Variants in TET1 observed in about 807,000 individuals in gnomAD.
The protein encoded by TET1 is methylcytosine dioxygenase TET1.
TET1 carries 13 observed loss-of-function variants against 148.7 expected under a neutral mutation model. The ratio of observed to expected loss-of-function variants is 0.09; its 90% CI spans 0.06 to 0.14. The LOEUF is 0.14. Ranked by LOEUF, TET1 falls within the 10% of genes least tolerant of loss-of-function variation. The probability of loss-of-function intolerance (pLI) is 1.00; values close to 1 mark genes in which losing one functional copy is unlikely to be tolerated. For synonymous variants in TET1, 907 were observed against 937.2 expected (o/e 0.97, Z 0.59); for missense variants, 2,182 against 2,553.8 (o/e 0.85, Z 3.14).
At chr10:68,661,225 G>GTTTTTTTTT (rs1564498225) in intron 6 of TET1, among the ~76,000 whole-genome samples, 22 of 94,860 alleles carry the variant, frequency 2.3e-4, no homozygotes, top group African/African-American at 6.5e-4. Context: ...TTTTTTTGTA[G>GTTTTTTTTT]TTTTAGTAGA....
intron 4 of TET1, among the ~76,000 whole-genome samples, chr10:68,649,605 CAA>C (rs557761071): frequency 3.4e-4 from 27 of 80,204 alleles, no homozygotes; most frequent in Admixed American, 3.9e-4. Context: ...GACTCTGTCT[CAA>C]AAAAAAAAAA....
At chr10:68,613,228 T>A (rs1169125778) in intron 3 of TET1, among the ~76,000 whole-genome samples, 1 of 152,230 alleles carries the variant, frequency 6.6e-6, no homozygotes, top group African/African-American at 2.4e-5. Context: ...TTTGGTTAAC[T>A]TTTCTCTGAC....
intron 4 of TET1, among the ~76,000 whole-genome samples, chr10:68,649,623 A>G (rs2054902597): frequency 1.3e-5 from 2 of 151,116 alleles, no homozygotes; most frequent in East Asian, 1.9e-4. Context: ...AAAAAAAAAA[A>G]GGGAGAGAAC....
intron 2 of TET1, among the ~76,000 whole-genome samples, chr10:68,593,676 G>A (rs185752466): frequency 3.9e-5 from 6 of 151,906 alleles, no homozygotes; most frequent in African/African-American, 7.3e-5. Context: ...CAAATGGTGC[G>A]ATCTCGGCTC....
chr10:68,645,805 A>G lies in TET1; in HGVS notation c.3076A>G (p.Ile1026Val). The G allele has an allele frequency of 9.3e-6, 15 of 1,614,148 alleles. No individual in the cohort carries two copies. The highest frequency in any genetic ancestry group is 1.3e-5 in the Non-Finnish European group (15 of 1,179,986). The change falls in exon 4 of 12, where the codon ATT becomes GTT. Residue 1026 changes from isoleucine to valine, a missense_variant. Around this residue, in one of 11 missense-constraint regions of TET1, gnomAD observed 582 missense variants for 599.5 expected, o/e 0.97. Coordinates refer to ENST00000373644, the MANE Select transcript of TET1 (RefSeq NM_030625.3). ...DTNKSIAQGI[I>V]TLDNCSNDLH... ...CAATAAAAGTATTGCTCAAGGGATA[A>G]TTACTCTTGACAATTGTTCCAATGA...
At chr10:68,676,157 T>TGG (rs1554811919) in intron 8 of TET1, among the ~76,000 whole-genome samples, 3 of 129,222 alleles carry the variant, frequency 2.3e-5, no homozygotes, top group South Asian at 5.1e-4. Flanking sequence ...ACCTGGCCTT[T>TGG]TGTGTGTGTG....
chr10:68,624,763 GCT>G (rs1205254885), intron 3 of TET1, among the ~76,000 whole-genome samples: 5 of 139,046 alleles, frequency 3.6e-5, no homozygotes, highest in Non-Finnish European at 7.7e-5. Flanking sequence ...ACGGAGTCTT[GCT>G]CTGTCGCCCA....
At chr10:68,678,007 C>T (rs779946779) in intron 8 of TET1, among the ~76,000 whole-genome samples, 4 of 151,460 alleles carry the variant, frequency 2.6e-5, no homozygotes, top group African/African-American at 4.9e-5. Flanking sequence ...GGAGGCCACC[C>T]ACCTCGGCCT....
chr10:68,633,691 A>G (rs753795938), intron 3 of TET1, among the ~76,000 whole-genome samples: 2 of 152,180 alleles, frequency 1.3e-5, no homozygotes, highest in Non-Finnish European at 2.9e-5. Context: ...TTGGCCTTCC[A>G]AAGTGCTGGG....
intron 3 of TET1, among the ~76,000 whole-genome samples, chr10:68,637,539 T>TTTTTTTTTTTTTTTTTTTTTTTTTTTC (rs2054672119): frequency 6.8e-6 from 1 of 147,920 alleles, no homozygotes; most frequent in African/African-American, 2.5e-5. Context: ...TTTTTTTTTT[T>TTTTTTTTTTTTTTTTTTTTTTTTTTTC]AAGAGACAGA....
Position 68,691,856 on chromosome 10 carries a change from A to T in TET1, c.*42A>T. 6.5e-7 allele frequency: 1 copy of T among 1,542,696 alleles called. No individual in the cohort carries two copies. The highest frequency in any genetic ancestry group is 1.4e-5 in the African/African-American group (1 of 72,256). On this transcript the variant is annotated 3_prime_UTR_variant, in exon 12 of 12. Coordinates refer to ENST00000373644, the MANE Select transcript of TET1 (RefSeq NM_030625.3). The surrounding 1 kb of genome is among the most constrained non-coding windows in gnomAD (Gnocchi z 4.4). ...CTTAATGCCTTTGCTAGTGCAGTGTATTTTTTCAAGGTGCTGTTAAAAGAA... is the reference window on the plus strand; with the variant it reads ...CTTAATGCCTTTGCTAGTGCAGTGTTTTTTTTCAAGGTGCTGTTAAAAGAA...
At chr10:68,656,211 T>G (rs1019077447) in intron 6 of TET1, among the ~76,000 whole-genome samples, 1 of 152,196 alleles carries the variant, frequency 6.6e-6, no homozygotes, top group Non-Finnish European at 1.5e-5. Context: ...GCACAATAAA[T>G]GTAACGTACT....
At chr10:68,592,072 CTT>C (rs1244539862) in intron 2 of TET1, among the ~76,000 whole-genome samples, 1 of 152,054 alleles carries the variant, frequency 6.6e-6, no homozygotes, top group Non-Finnish European at 1.5e-5. Context: ...AATCCCAAAA[CTT>C]TGGGAGGCCG....
chr10:68,601,957 C>T (rs1298500687), intron 3 of TET1, among the ~76,000 whole-genome samples: 1 of 152,168 alleles, frequency 6.6e-6, no homozygotes, highest in Non-Finnish European at 1.5e-5. Flanking sequence ...AGAGGAACAA[C>T]ATGTTGAACT....
intron 8 of TET1, among the ~76,000 whole-genome samples, chr10:68,677,304 G>A (rs773657737): frequency 8.0e-4 from 122 of 152,108 alleles, no homozygotes; most frequent in Non-Finnish European, 1.1e-3. Flanking sequence ...CCACCCTATA[G>A]TCCTGATTTA....
intron 3 of TET1, among the ~76,000 whole-genome samples, chr10:68,633,795 T>C (rs1207488396): frequency 6.6e-6 from 1 of 152,042 alleles, no homozygotes; most frequent in African/African-American, 2.4e-5. Context: ...TATGAAAGTA[T>C]AAAATATGAT....
chr10:68,643,153 C>T (rs375960749), intron 3 of TET1, among the ~76,000 whole-genome samples: 10 of 148,016 alleles, frequency 6.8e-5, no homozygotes, highest in African/African-American at 2.0e-4. Context: ...CCCAGCTACT[C>T]GGGAGGCTGA....
Position 68,686,581 on chromosome 10 carries a change from G to A in TET1, c.5278G>A (p.Ala1760Thr). 2 of 1,614,164 alleles carry A rather than the reference G, an allele frequency of 1.2e-6. No homozygotes were observed. Among genetic ancestry groups the A allele is most frequent in the East Asian group, 2.2e-5 (1 of 44,874 alleles). Residue 1760 changes from alanine to threonine, a missense_variant, in exon 11 of 12, where the codon GCG becomes ACG. Ala to Thr is a moderately conservative substitution (Grantham distance 58). Coordinates refer to ENST00000373644, the MANE Select transcript of TET1 (RefSeq NM_030625.3). The stretch of plus-strand genomic sequence containing the variant: ...TCCCCGTTCTGGAAAGAAGAGGGCT[G>A]CGATGATGACAGAGGTTCTTGCACA... ...PVPRSGKKRA[A>T]MMTEVLAHKI... is the part of the protein sequence containing the mutation.
At chr10:68,674,944 T>A (rs2055329510) in intron 8 of TET1, 3 of 372,472 alleles carry the variant, frequency 8.1e-6, no homozygotes, top group South Asian at 4.9e-5. Flanking sequence ...CATGATGTCT[T>A]TGTTAGATAA....
Sources: allele counts gnomAD v4.1 joint callset (sites outside exome capture counted in the v4.1 genomes callset), GRCh38; gene constraint gnomAD v4.1.1; regional missense constraint gnomAD v4.1.1; non-coding constraint Gnocchi (gnomAD v3.1); transcripts MANE v1.5; gene names NCBI Gene and HGNC (gene_info 2026-07-23, HGNC 2026-07-21).